CNTNAP4: variants seen among roughly 807,000 people sequenced by gnomAD.
CNTNAP4 encodes the protein contactin associated protein family member 4, also known as contactin-associated protein-like 4.
CNTNAP4 carries 98 observed loss-of-function variants against 148.4 expected under a neutral mutation model. The observed-to-expected ratio is 0.66, with a 90% CI of 0.56 to 0.78. CNTNAP4 has a LOEUF of 0.78. CNTNAP4 is among the 30% of genes least tolerant of loss of function. CNTNAP4 has a pLI of 0.00. For missense variants in CNTNAP4, 1,935 were observed against 1,565.6 expected, an observed-to-expected ratio of 1.24 and a Z score of -3.98; for synonymous variants, 730 against 565.1, an observed-to-expected ratio of 1.29 and a Z score of -4.14.
intron 3 of CNTNAP4, among the ~76,000 whole-genome samples, chr16:76,386,223 A>G (rs1008118047): frequency 3.3e-5 from 5 of 152,310 alleles, no homozygotes; most frequent in Admixed American, 2.6e-4. Context: ...GTAATTTACT[A>G]TTTGCCTAAA....
At chr16:76,298,395 T>C (rs1251672752) in intron 1 of CNTNAP4, among the ~76,000 whole-genome samples, 1 of 151,906 alleles carries the variant, frequency 6.6e-6, no homozygotes, top group Non-Finnish European at 1.5e-5. Context: ...GAATTGAAAA[T>C]GAGTTTAGAA....
chr16:76,332,146 A>G (rs989931988), intron 2 of CNTNAP4, among the ~76,000 whole-genome samples: 1 of 152,120 alleles, frequency 6.6e-6, no homozygotes, highest in African/African-American at 2.4e-5. Flanking sequence ...TTTGACTTAC[A>G]ACGGTTTGAT....
intron 1 of CNTNAP4, among the ~76,000 whole-genome samples, chr16:76,311,569 T>TA (rs1189617869): frequency 6.6e-6 from 1 of 152,210 alleles, no homozygotes; most frequent in African/African-American, 2.4e-5. Flanking sequence ...AGCTATCGTT[T>TA]TACTACTTCC....
chr16:76,501,247 A>T (rs1419722238), intron 15 of CNTNAP4, among the ~76,000 whole-genome samples: 1 of 152,234 alleles, frequency 6.6e-6, no homozygotes, highest in African/African-American at 2.4e-5. Flanking sequence ...TAAACTTCGG[A>T]TGCATCCAGG....
intron 2 of CNTNAP4, among the ~76,000 whole-genome samples, chr16:76,328,626 A>G (rs1423076695): frequency 6.6e-6 from 1 of 152,136 alleles, no homozygotes; most frequent in East Asian, 1.9e-4. Context: ...AGTTGTGACA[A>G]ATGTACCATA....
Position 76,475,954 on chromosome 16 carries a change from T to C in CNTNAP4, c.1671T>C (p.Tyr557=), listed in dbSNP as rs141324929. 97 of 1,613,580 alleles carry C rather than the reference T, an allele frequency of 6.0e-5. No homozygotes were observed. The highest frequency in any genetic ancestry group is 8.0e-5 in the Non-Finnish European group (94 of 1,179,602). Reference sequence around the variant, plus strand: ...CTTCTTTTAGGTGTTTGCCCAACTATTGTGAACACGGTGGGGAGTGTTCCC... The same window carrying C: ...CTTCTTTTAGGTGTTTGCCCAACTACTGTGAACACGGTGGGGAGTGTTCCC... ...CGISDRCLPN[Y]CEHGGECSQS... is the part of the protein sequence containing the mutation. The change falls in exon 11 of 24, where the codon TAT becomes TAC. Residue 557 remains tyrosine, a synonymous_variant. Transcript: ENST00000611870.
At chr16:76,474,460 T>C (rs1159428130) in intron 10 of CNTNAP4, among the ~76,000 whole-genome samples, 1 of 152,088 alleles carries the variant, frequency 6.6e-6, no homozygotes, top group Non-Finnish European at 1.5e-5. Flanking sequence ...TTAGTCCTTA[T>C]AATAAGGAAA....
rs191557246 is a variant in CNTNAP4 at position 76,466,728 on chromosome 16, C to T, written c.1484-624C>T. On this transcript the variant is annotated intron_variant, in intron 9 of 23. Transcript: ENST00000611870. ...TAGAAAAAAATCAATATAGATGAAACATCCTTTTATGAGGCAAAGAATAAA... is the reference window on the plus strand; with the variant it reads ...TAGAAAAAAATCAATATAGATGAAATATCCTTTTATGAGGCAAAGAATAAA... 2.0e-5 allele frequency among the ~76,000 whole-genome samples: 3 copies of T among 151,928 alleles called. No individual in the cohort carries two copies. The East Asian group carries it at 5.8e-4, about 29-fold the overall frequency.
chr16:76,331,506 T>A (rs1045843917), intron 2 of CNTNAP4, among the ~76,000 whole-genome samples: 1 of 151,762 alleles, frequency 6.6e-6, no homozygotes, highest in Non-Finnish European at 1.5e-5. Flanking sequence ...CTTTCAAGTT[T>A]TTTTTTTTTT....
At chr16:76,526,233 C>G (rs756170357) in intron 17 of CNTNAP4, among the ~76,000 whole-genome samples, 5 of 151,832 alleles carry the variant, frequency 3.3e-5, no homozygotes, top group Admixed American at 1.3e-4. Flanking sequence ...CAGGCCATGG[C>G]TCAAAGTGGT....
chr16:76,367,151 G>A, intron 3 of CNTNAP4, among the ~76,000 whole-genome samples: 1 of 151,852 alleles, frequency 6.6e-6, no homozygotes, highest in Non-Finnish European at 1.5e-5. Flanking sequence ...TTAGGGATTT[G>A]CATAAAATAG....
chr16:76,399,443 G>T (rs2078326084), intron 3 of CNTNAP4, among the ~76,000 whole-genome samples: 1 of 152,050 alleles, frequency 6.6e-6, no homozygotes, highest in Non-Finnish European at 1.5e-5. Context: ...TTCTCAAAAG[G>T]CAAATTTTTC....
chr16:76,308,945 C>T (rs1960791509), intron 1 of CNTNAP4, among the ~76,000 whole-genome samples: 1 of 151,502 alleles, frequency 6.6e-6, no homozygotes, highest in Non-Finnish European at 1.5e-5. Context: ...CTGCCTCAGC[C>T]GTCTGAGTAG....
chr16:76,489,302 A>G (rs1441349673), intron 12 of CNTNAP4, among the ~76,000 whole-genome samples: 1 of 152,088 alleles, frequency 6.6e-6, no homozygotes, highest in South Asian at 2.1e-4. Flanking sequence ...AATAGGCAGC[A>G]TTTTTCCTTT....
intron 8 of CNTNAP4, among the ~76,000 whole-genome samples, chr16:76,459,137 A>C (rs2080843420): frequency 6.6e-6 from 1 of 152,204 alleles, no homozygotes; most frequent in Non-Finnish European, 1.5e-5. Context: ...TTTGAGAATG[A>C]GATGTCGGAG....
At chr16:76,444,288 C>T (rs2080156123) in intron 4 of CNTNAP4, among the ~76,000 whole-genome samples, 2 of 152,054 alleles carry the variant, frequency 1.3e-5, no homozygotes, top group African/African-American at 4.8e-5. Flanking sequence ...AGAATCTGGC[C>T]TTAATTATTA....
intron 1 of CNTNAP4, among the ~76,000 whole-genome samples, chr16:76,301,062 T>C (rs1959910534): frequency 6.6e-6 from 1 of 152,058 alleles, no homozygotes. Context: ...AATTATAACT[T>C]ACAGACATGA....
At chr16:76,533,970 C>G (rs1050494459) in intron 17 of CNTNAP4, among the ~76,000 whole-genome samples, 5 of 152,152 alleles carry the variant, frequency 3.3e-5, no homozygotes, top group African/African-American at 1.2e-4. Context: ...AATCTGAATT[C>G]TGAATAGTGT....
chr16:76,321,616 C>T (rs1962419721), intron 2 of CNTNAP4, among the ~76,000 whole-genome samples: 1 of 151,642 alleles, frequency 6.6e-6, no homozygotes, highest in African/African-American at 2.4e-5. Context: ...GGTGAAACCC[C>T]ATCTCTACTA....
Sources: gnomAD v4.1 joint callset for allele counts (sites outside exome capture counted in the v4.1 genomes callset) on GRCh38, gnomAD v4.1.1 for gene constraint, MANE v1.5 for transcripts, NCBI Gene and HGNC (gene_info 2026-07-23, HGNC 2026-07-21) for gene names.